Variants in TECPR2 observed in about 807,000 individuals in gnomAD.
TECPR2 encodes tectonin beta-propeller repeat containing 2.
Under a neutral mutation model 138.1 loss-of-function variants are expected in TECPR2, and 65 were observed. The ratio of observed to expected loss-of-function variants is 0.47; its 90% CI spans 0.39 to 0.58. TECPR2 has a LOEUF of 0.58. Among genes scored for constraint, TECPR2 ranks in the 20% least tolerant of loss-of-function variants. The pLI is 0.00. For synonymous variants in TECPR2, 746 were observed against 749.8 expected (o/e 0.99, Z 0.08); for missense variants, 1,553 against 1,824.5 (o/e 0.85, Z 2.71).
Position 102,434,421 on chromosome 14 carries a change from A to G in TECPR2, c.1604A>G (p.Asn535Ser). Residue 535 changes from asparagine to serine, a missense_variant, in exon 9 of 20, where the codon AAC (asparagine) becomes AGC (serine). Coordinates refer to ENST00000359520, the MANE Select transcript of TECPR2 (RefSeq NM_014844.5). ...GAAAGCAGCTTCAATGGTGAAGTGA[A>G]CGGTGTCCCACAGGAAAATACTGAC... ...DQESSFNGEV[N>S]GVPQENTDPE... 2 of 1,531,032 alleles carry G rather than the reference A, an allele frequency of 1.3e-6. No individual in the cohort carries two copies. The highest frequency in any genetic ancestry group is 1.8e-6 in the Non-Finnish European group (2 of 1,141,018). The allele number at this position is 1,531,032 out of a possible 1,614,324, so 94.8% of individuals were successfully genotyped here.
At chr14:102,483,251 A>G (rs1209206714) in intron 17 of TECPR2, among the ~76,000 whole-genome samples, 1 of 151,992 alleles carries the variant, frequency 6.6e-6, no homozygotes. Flanking sequence ...ACAGATACAT[A>G]GTGGTATGCC....
At chr14:102,372,528 AGTGCT>A (rs1408463776) in intron 1 of TECPR2, among the ~76,000 whole-genome samples, 1 of 152,164 alleles carries the variant, frequency 6.6e-6, no homozygotes, top group Non-Finnish European at 1.5e-5. Context: ...AGTCTCCTGA[AGTGCT>A]GGGGTTTACA....
chr14:102,438,934 T>A (rs901883558), intron 10 of TECPR2, among the ~76,000 whole-genome samples: 1 of 151,102 alleles, frequency 6.6e-6, no homozygotes, highest in African/African-American at 2.4e-5. Flanking sequence ...CAATCTCAGC[T>A]CACTGCGAGC....
chr14:102,473,078 G>A (rs576349998), intron 17 of TECPR2, among the ~76,000 whole-genome samples: 2 of 152,382 alleles, frequency 1.3e-5, no homozygotes, highest in South Asian at 2.1e-4. Flanking sequence ...CTAGCTCAGA[G>A]GTTCAGAAAG....
In TECPR2 at chr14:102,439,896, C is replaced by T. The variant is rs1212661885; in HGVS notation, c.2579-540C>T. On this transcript the variant is annotated intron_variant, in intron 10 of 19. Transcript: ENST00000359520. ...TCCTCCTCCATCTCTTCATCAAAGT[C>T]CTCTTCACAGTGAAAACAGGCCAAC... Among the ~76,000 whole-genome samples the T allele has an allele frequency of 2.0e-5, 3 of 152,214 alleles. No homozygotes were observed. In the East Asian group the frequency reaches 5.8e-4, roughly 29 times the overall value.
rs1381058920 is a variant in TECPR2 at position 102,432,808 on chromosome 14, A to G, written c.1417+680A>G. 3.3e-5 allele frequency among the ~76,000 whole-genome samples: 5 copies of G among 152,058 alleles called. No homozygotes were observed. The South Asian group carries it at 6.2e-4, about 19-fold the overall frequency. ...ATCACGAGGTCAAGAGATTGAGACC[A>G]TCCTGGCCAACATGGTGAAACCCCG... On this transcript the variant is annotated intron_variant, in intron 8 of 19. Transcript: ENST00000359520.
Position 102,450,441 on chromosome 14 carries a change from C to T in TECPR2, c.3317-119C>T, listed in dbSNP as rs928334960. The T allele has an allele frequency of 6.7e-6, 6 of 901,888 alleles. No homozygotes were observed. The African/African-American group carries it at 1.0e-4, about 15-fold the overall frequency. 55.9% of individuals were successfully genotyped at this position (901,888 alleles called of 1,614,324 possible). ...TTGCTCATGTCGCTTTATTTAGGGA[C>T]ACTCTAGAATTATCTGGAGAAAGGG... On this transcript the variant is annotated intron_variant, in intron 14 of 19. Transcript: ENST00000359520.
chr14:102,463,720 T>C (rs1890475982), intron 16 of TECPR2, among the ~76,000 whole-genome samples: 2 of 152,008 alleles, frequency 1.3e-5, no homozygotes, highest in South Asian at 4.2e-4. Flanking sequence ...GGTCAGGAGT[T>C]CGAGACCAGC....
chr14:102,417,274 G>A (rs372412672), intron 5 of TECPR2, among the ~76,000 whole-genome samples: 3 of 152,274 alleles, frequency 2.0e-5, no homozygotes, highest in East Asian at 3.8e-4. Flanking sequence ...GCTTTCTGCT[G>A]TAGACTATTG....
At chr14:102,497,452 G>GA in intron 18 of TECPR2, 118 bp from the exon 19 acceptor site, 1 of 1,323,616 alleles carries the variant, frequency 7.6e-7, no homozygotes, top group Non-Finnish European at 9.9e-7. Context: ...CCCATCATGG[G>GA]CACTCCGTCC....
chr14:102,450,738 G>A (rs2139752685), intron 15 of TECPR2, 89 bp downstream of exon 15: 1 of 1,343,528 alleles, frequency 7.4e-7, no homozygotes, highest in Non-Finnish European at 1.1e-6. Context: ...GGCCTTGTTG[G>A]TTATGGGGCA....
In TECPR2 at chr14:102,449,625, C is replaced by G; in HGVS notation, c.3076-4C>G. 1 of 1,613,854 alleles carries G rather than the reference C, an allele frequency of 6.2e-7. No individual in the cohort carries two copies. Among genetic ancestry groups the G allele is most frequent in the Non-Finnish European group, 8.5e-7 (1 of 1,179,848 alleles). On this transcript the variant is annotated splice_region_variant and splice_polypyrimidine_tract_variant and intron_variant, in intron 13 of 19. Transcript: ENST00000359520. Reference sequence around the variant, plus strand: ...CAGGGCTTTTGCTTGTCTCCTCCTTCCAGGTGAGCATCACGGACTATGTGG... The same window carrying G: ...CAGGGCTTTTGCTTGTCTCCTCCTTGCAGGTGAGCATCACGGACTATGTGG...
chr14:102,436,344 G>C (rs1889672721), intron 9 of TECPR2, among the ~76,000 whole-genome samples: 1 of 147,126 alleles, frequency 6.8e-6, no homozygotes, highest in Admixed American at 6.8e-5. Flanking sequence ...TCTGAGACAG[G>C]GTCTCACTCT....
At position 102,407,322 on chromosome 14, in the gene TECPR2, T is replaced by A. The variant is rs776970859; in HGVS notation, c.220-16T>A. ...CTGCATAGTTACAGATTCATTTGTT[T>A]TCAACGTTTCCCCAGGGGAAGACGG... On this transcript the variant is annotated splice_polypyrimidine_tract_variant and intron_variant, in intron 2 of 19. Transcript: ENST00000359520. 6.3e-7 allele frequency: 1 copy of A among 1,584,480 alleles called. No homozygotes were observed. The highest frequency in any genetic ancestry group is 8.6e-7 in the Non-Finnish European group (1 of 1,168,164).
chr14:102,439,013 C>T (rs1291322149), intron 10 of TECPR2, among the ~76,000 whole-genome samples: 2 of 152,020 alleles, frequency 1.3e-5, no homozygotes, highest in African/African-American at 2.4e-5. Flanking sequence ...AGGCACCCGC[C>T]ACCACGCCCA....
intron 4 of TECPR2, among the ~76,000 whole-genome samples, chr14:102,412,073 A>C (rs544412126): frequency 6.7e-6 from 1 of 150,328 alleles, no homozygotes; most frequent in African/African-American, 2.4e-5. Context: ...TGTATTGGTC[A>C]CTTAGAAAAT....
chr14:102,491,839 C>T (rs12100607), intron 17 of TECPR2, among the ~76,000 whole-genome samples: 13,281 of 152,282 alleles, frequency 0.087, 746 homozygotes, highest in African/African-American at 0.17. Flanking sequence ...AGTAGGATGG[C>T]AGTTCTGGGT....
At position 102,428,003 on chromosome 14, in the gene TECPR2, C is replaced by T. The variant is rs560761043; in HGVS notation, c.952-247C>T. 3.2e-4 allele frequency among the ~76,000 whole-genome samples: 49 copies of T among 152,284 alleles called. No homozygotes were observed. In the South Asian group the frequency reaches 5.8e-3, roughly 18 times the overall value. ...GGTGCACCTGCAGCAGGGACGAGGG[C>T]AGGGTGGTACGTGGGTCGGAGATGA... On this transcript the variant is annotated intron_variant, in intron 6 of 19. Transcript: ENST00000359520.
At chr14:102,403,078 T>C (rs572919634) in intron 2 of TECPR2, among the ~76,000 whole-genome samples, 1 of 152,286 alleles carries the variant, frequency 6.6e-6, no homozygotes, top group South Asian at 2.1e-4. Flanking sequence ...CTAGAAAAGA[T>C]AACCACAAGA....
Sources: allele counts gnomAD v4.1 joint callset (sites outside exome capture counted in the v4.1 genomes callset), GRCh38; gene constraint gnomAD v4.1.1; transcripts MANE v1.5; gene names NCBI Gene and HGNC (gene_info 2026-07-23, HGNC 2026-07-21).